PHACTR2: variants seen among roughly 807,000 people sequenced by gnomAD.
PHACTR2 encodes chromosome 6 open reading frame 56.
In PHACTR2, 30 loss-of-function variants were observed where a neutral mutation model predicts 76.0. The ratio of observed to expected loss-of-function variants is 0.39; its 90% confidence interval spans 0.30 to 0.54. PHACTR2 has a LOEUF of 0.54. Ranked by LOEUF, PHACTR2 falls within the 20% of genes least tolerant of loss-of-function variation. PHACTR2 has a pLI of 0.61. For synonymous variants in PHACTR2, 292 were observed against 292.5 expected (o/e 1.00, Z 0.02); for missense variants, 696 against 781.1 (o/e 0.89, Z 1.30).
chr6:143,594,425 C>T (rs764444474), intron 1 of PHACTR2, among the ~76,000 whole-genome samples: 1 of 152,218 alleles, frequency 6.6e-6, no homozygotes, highest in Non-Finnish European at 1.5e-5. Flanking sequence ...TATGCCAGCA[C>T]TCAGTGAGTG....
chr6:143,568,366 G>A (rs543412635), intron 1 of PHACTR2, among the ~76,000 whole-genome samples: 70 of 152,282 alleles, frequency 4.6e-4, no homozygotes, highest in Non-Finnish European at 7.4e-4. Flanking sequence ...TCAAAAATAA[G>A]GTGTTAATGT....
chr6:143,763,598 A>G lies in PHACTR2; in HGVS notation c.695-1663A>G, dbSNP rs528990384. ...AGTAACAGGTCTAGATTTGGGGAAG[A>G]AGAATTCTAGTTATGTATATCTTAA... On this transcript the variant is annotated intron_variant, in intron 5 of 12. Coordinates refer to ENST00000440869, the MANE Select transcript of PHACTR2 (RefSeq NM_001100164.2). Among the ~76,000 whole-genome samples, 33 of 152,350 alleles carry G rather than the reference A, an allele frequency of 2.2e-4. No individual in the cohort carries two copies. In the South Asian group the frequency reaches 4.8e-3, roughly 22 times the overall value.
rs1181023727 is a variant in PHACTR2 at position 143,578,967 on chromosome 6, G to A, written c.217+41760G>A. ...CACCCAGGCTGGAGTGCAGTGGCGTGATCACAGCTCACTGCAACCTCCGTC... is the reference window on the plus strand; with the variant it reads ...CACCCAGGCTGGAGTGCAGTGGCGTAATCACAGCTCACTGCAACCTCCGTC... On this transcript the variant is annotated intron_variant, in intron 1 of 11. Transcript: ENST00000367584. This position sits in a 1 kb window ranked among gnomAD's most constrained non-coding sequence, Gnocchi z 4.5. Among the ~76,000 whole-genome samples the A allele has an allele frequency of 6.6e-6, 1 of 152,096 alleles. No individual in the cohort carries two copies. Among genetic ancestry groups the A allele is most frequent in the African/African-American group, 2.4e-5 (1 of 41,420 alleles).
intron 1 of PHACTR2, among the ~76,000 whole-genome samples, chr6:143,702,869 G>C (rs758022543): frequency 6.9e-6 from 1 of 145,504 alleles, no homozygotes; most frequent in Non-Finnish European, 1.5e-5. Flanking sequence ...TGGCTTCAGG[G>C]CAACATCAAA....
In PHACTR2 at chr6:143,625,941, CT is replaced by C. The variant is rs1490908546; in HGVS notation, c.13+17622del. ...GAGCTCTTTTAGGTAAGGTGAGTTT[CT>C]TTCCAGTGACTGGCCATCTAAATGT... On this transcript the variant is annotated intron_variant, in intron 1 of 11. Coordinates refer to the PHACTR2 transcript ENST00000305766. This position sits in a 1 kb window ranked among gnomAD's most constrained non-coding sequence, Gnocchi z 4.3. 6.6e-6 allele frequency among the ~76,000 whole-genome samples: 1 copy of C among 152,184 alleles called. No individual in the cohort carries two copies. The highest frequency in any genetic ancestry group is 1.5e-5 in the Non-Finnish European group (1 of 68,036).
chr6:143,704,483 A>C (rs1777998446), intron 1 of PHACTR2, among the ~76,000 whole-genome samples: 1 of 152,174 alleles, frequency 6.6e-6, no homozygotes. Flanking sequence ...CTAAGAAAAA[A>C]ATCTTTATCC....
intron 1 of PHACTR2, among the ~76,000 whole-genome samples, chr6:143,706,869 G>A (rs1052315746): frequency 6.6e-6 from 1 of 152,142 alleles, no homozygotes; most frequent in Non-Finnish European, 1.5e-5. Flanking sequence ...CCTCATCACT[G>A]GCTTATACCA....
intron 1 of PHACTR2, among the ~76,000 whole-genome samples, chr6:143,670,888 C>T (rs912108609): frequency 1.3e-5 from 2 of 151,646 alleles, no homozygotes; most frequent in Non-Finnish European, 2.9e-5. Flanking sequence ...CCCTTGCTGG[C>T]GAGGAGTTCT....
rs192246414 is a variant in PHACTR2 at position 143,622,678 on chromosome 6, A to C, written c.13+14356A>C. ...TGCAAACGATGCAAAATGCAGCTTAATGAGGTTAGTAAAAATCCTTATCAA... is the reference window on the plus strand; with the variant it reads ...TGCAAACGATGCAAAATGCAGCTTACTGAGGTTAGTAAAAATCCTTATCAA... On this transcript the variant is annotated intron_variant, in intron 1 of 11. Transcript: ENST00000305766. 5.4e-4 allele frequency among the ~76,000 whole-genome samples: 83 copies of C among 152,362 alleles called. 1 individual carries two copies. The highest frequency in any genetic ancestry group is 1.0e-3 in the South Asian group (5 of 4,830).
chr6:143,570,670 C>T lies in PHACTR2; in HGVS notation c.217+33463C>T, dbSNP rs1775436366. Among the ~76,000 whole-genome samples the T allele has an allele frequency of 6.6e-6, 1 of 152,150 alleles. No individual in the cohort carries two copies. Among genetic ancestry groups the T allele is most frequent in the South Asian group, 2.1e-4 (1 of 4,822 alleles). On this transcript the variant is annotated intron_variant, in intron 1 of 11. Transcript: ENST00000367584. This position sits in a 1 kb window ranked among gnomAD's most constrained non-coding sequence, Gnocchi z 4.6. Reference sequence around the variant, plus strand: ...CCCGCTTGCTCTCCTTCCCTAATCCCCACACCTTTTTATGAAGATCAGTCC... The same window carrying T: ...CCCGCTTGCTCTCCTTCCCTAATCCTCACACCTTTTTATGAAGATCAGTCC...
At chr6:143,747,291 A>G (rs1300320629) in intron 2 of PHACTR2, among the ~76,000 whole-genome samples, 3 of 152,224 alleles carry the variant, frequency 2.0e-5, no homozygotes, top group Non-Finnish European at 4.4e-5. Flanking sequence ...AGGAAAAAAA[A>G]ATCCAGGTTC....
upstream of PHACTR2, among the ~76,000 whole-genome samples, chr6:143,674,224 T>C (rs895805628): frequency 6.6e-6 from 1 of 152,146 alleles, no homozygotes; most frequent in Non-Finnish European, 1.5e-5. The surrounding 1 kb of genome is among the most constrained non-coding windows in gnomAD (Gnocchi z 4.9). Flanking sequence ...AAAGCTCCCA[T>C]TTGCTTTTTA....
rs1215373218 is a variant in PHACTR2, at chr6:143,783,116, A to G, written c.1646-103A>G. 2 of 667,168 alleles carry G rather than the reference A, an allele frequency of 3.0e-6. No homozygotes were observed. The allele number at this position is 667,168 out of a possible 1,614,324, so 41.3% of individuals were successfully genotyped here. A position where few individuals can be genotyped will look rare whatever the true frequency, so the allele number is the denominator to read the frequency against. ...TTTAACAATGTTGGTTGTGTGTTTG[A>G]TCATTATTTGTTAGAGTCACATGAT... On this transcript the variant is annotated intron_variant, in intron 9 of 12. Coordinates refer to ENST00000440869, the MANE Select transcript of PHACTR2 (RefSeq NM_001100164.2). The surrounding 1 kb of genome is among the most constrained non-coding windows in gnomAD (Gnocchi z 5.2).
In PHACTR2 at chr6:143,783,411, C is replaced by A; in HGVS notation, c.1707+131C>A. The A allele has an allele frequency of 1.9e-6, 1 of 533,630 alleles. No homozygotes were observed. The highest frequency in any genetic ancestry group is 3.3e-6 in the Non-Finnish European group (1 of 300,974). The allele number at this position is 533,630 out of a possible 1,614,324, so 33.1% of individuals were successfully genotyped here. The stretch of plus-strand genomic sequence containing the variant: ...ATTCCTATTAGTCTATAATCATAGA[C>A]ATCAAAATCACAAGCCTGGGCAACA... On this transcript the variant is annotated intron_variant, in intron 10 of 12. Coordinates refer to ENST00000440869, the MANE Select transcript of PHACTR2 (RefSeq NM_001100164.2). This position sits in a 1 kb window ranked among gnomAD's most constrained non-coding sequence, Gnocchi z 5.2.
At chr6:143,813,981 C>A (rs890110279) in intron 12 of PHACTR2, among the ~76,000 whole-genome samples, 1 of 152,194 alleles carries the variant, frequency 6.6e-6, no homozygotes, top group Non-Finnish European at 1.5e-5. Context: ...AGTCAATCAA[C>A]ACATATTTTG....
In PHACTR2 at chr6:143,776,458, A is replaced by G. The variant is rs1268703446; in HGVS notation, c.1590-870A>G. On this transcript the variant is annotated intron_variant, in intron 8 of 12. Coordinates refer to ENST00000440869, the MANE Select transcript of PHACTR2 (RefSeq NM_001100164.2). This position sits in a 1 kb window ranked among gnomAD's most constrained non-coding sequence, Gnocchi z 5.3. ...TACATAGAAGAAAATACAATGAAAAAGGGAGATTGCGTTCACGGCATAGCA... is the reference window on the plus strand; with the variant it reads ...TACATAGAAGAAAATACAATGAAAAGGGGAGATTGCGTTCACGGCATAGCA... Among the ~76,000 whole-genome samples the G allele has an allele frequency of 6.6e-6, 1 of 152,234 alleles. No homozygotes were observed. The highest frequency in any genetic ancestry group is 1.5e-5 in the Non-Finnish European group (1 of 68,042).
At chr6:143,584,581 C>T (rs1306001990) in intron 1 of PHACTR2, among the ~76,000 whole-genome samples, 2 of 152,168 alleles carry the variant, frequency 1.3e-5, no homozygotes, top group Non-Finnish European at 2.9e-5. Context: ...CTCAGAAGGT[C>T]CAAACTCAAG....
Position 143,783,004 on chromosome 6 carries a change from C to CGTGTGT in PHACTR2, c.1646-215_1646-214insGTGTGT, listed in dbSNP as rs1428309329. Among the ~76,000 whole-genome samples, 74 of 41,812 alleles carry CGTGTGT rather than the reference C, an allele frequency of 1.8e-3. No homozygotes were observed. Among genetic ancestry groups the CGTGTGT allele is most frequent in the African/African-American group, 5.5e-3 (64 of 11,674 alleles). The allele number at this position is 41,812 out of a possible 152,430, so 27.4% of individuals were successfully genotyped here. The stretch of plus-strand genomic sequence containing the variant: ...AAGCAAACCAGTCCTACAAAAAAAG[C>CGTGTGT]ATGTGTGTGTGTGTGTGTGTGTGTG... On this transcript the variant is annotated intron_variant, in intron 9 of 12. Coordinates refer to ENST00000440869, the MANE Select transcript of PHACTR2 (RefSeq NM_001100164.2). This position sits in a 1 kb window ranked among gnomAD's most constrained non-coding sequence, Gnocchi z 5.2.
Position 143,801,967 on chromosome 6 carries a change from A to G in PHACTR2, c.1846-5090A>G, listed in dbSNP as rs1358866574. Among the ~76,000 whole-genome samples the G allele has an allele frequency of 6.6e-6, 1 of 152,072 alleles. No individual in the cohort carries two copies. Among genetic ancestry groups the G allele is most frequent in the Non-Finnish European group, 1.5e-5 (1 of 68,004 alleles). On this transcript the variant is annotated intron_variant, in intron 11 of 12. Coordinates refer to ENST00000440869, the MANE Select transcript of PHACTR2 (RefSeq NM_001100164.2). The surrounding 1 kb of genome is among the most constrained non-coding windows in gnomAD (Gnocchi z 4.6). Reference sequence around the variant, plus strand: ...TCTAACAGATAGGCCCCTCAGCTGCAGGTCTGTTGGAGTTTACTGGAGGTC... The same window carrying G: ...TCTAACAGATAGGCCCCTCAGCTGCGGGTCTGTTGGAGTTTACTGGAGGTC...
Sources: gnomAD v4.1 joint callset for allele counts (sites outside exome capture counted in the v4.1 genomes callset) on GRCh38, gnomAD v4.1.1 for gene constraint, Gnocchi (gnomAD v3.1) non-coding constraint, MANE v1.5 for transcripts, NCBI Gene and HGNC (gene_info 2026-07-23, HGNC 2026-07-21) for gene names.